The following TMEM19 variants were observed in gnomAD, a reference collection of about 807,000 sequenced individuals.
The protein encoded by TMEM19 is transmembrane protein 19.
Under a neutral mutation model 33.6 loss-of-function variants are expected in TMEM19, and 21 were observed. The ratio of observed to expected loss-of-function variants is 0.62; its 90% CI spans 0.44 to 0.90. The LOEUF (loss-of-function observed/expected upper bound fraction) is 0.90. Ranked by LOEUF, TMEM19 falls within the 40% of genes least tolerant of loss-of-function variation. The probability of loss-of-function intolerance (pLI) is 0.00; values close to 1 mark genes in which losing one functional copy is unlikely to be tolerated. For missense variants in TMEM19, 402 were observed against 401.8 expected (o/e 1.00, Z 0.00); for synonymous variants, 149 against 147.5 (o/e 1.01, Z -0.07).
chr12:71,691,074 C>A (rs900196956), intron 2 of TMEM19, among the ~76,000 whole-genome samples: 1 of 152,062 alleles, frequency 6.6e-6, no homozygotes, highest in African/African-American at 2.4e-5. Context: ...GAATTAAATG[C>A]GATAATTTAA....
At chr12:71,689,409 G>A (rs1358387198) in intron 1 of TMEM19, among the ~76,000 whole-genome samples, 182 bp from the exon 2 acceptor site, 1 of 152,162 alleles carries the variant, frequency 6.6e-6, no homozygotes, top group African/African-American at 2.4e-5. Flanking sequence ...ACCTAAGGAT[G>A]CATTTCTCAG....
intron 2 of TMEM19, 86 bp downstream of exon 2, chr12:71,689,790 TGA>T (rs1881754610): frequency 1.2e-5 from 10 of 865,968 alleles, no homozygotes; most frequent in Non-Finnish European, 1.8e-5. Context: ...TCTGAATATA[TGA>T]GACTGACTAC....
intron 2 of TMEM19, among the ~76,000 whole-genome samples, chr12:71,691,877 C>T (rs928504549): frequency 1.3e-5 from 2 of 152,192 alleles, no homozygotes; most frequent in African/African-American, 4.8e-5. Context: ...CTGACTTTTA[C>T]GATCTCTACT....
At position 71,703,599 on chromosome 12, in the gene TMEM19, A is replaced by G. The variant is rs1882022433; in HGVS notation, c.*2604A>G. ...GTCCTTTATTTGAAAACTTAGGTCT[A>G]GCTGTGTTTTGCATCAAAATTTTTG... On this transcript the variant is annotated 3_prime_UTR_variant, in exon 6 of 6. Coordinates refer to ENST00000266673, the MANE Select transcript of TMEM19 (RefSeq NM_018279.4). The G allele has an allele frequency of 6.4e-6, 1 of 156,796 alleles. No individual in the cohort carries two copies. Among genetic ancestry groups the G allele is most frequent in the African/African-American group, 2.4e-5 (1 of 41,484 alleles). 9.7% of individuals were successfully genotyped at this position (156,796 alleles called of 1,614,324 possible).
chr12:71,688,833 G>C (rs1881736180), intron 1 of TMEM19, among the ~76,000 whole-genome samples: 1 of 152,196 alleles, frequency 6.6e-6, no homozygotes, highest in South Asian at 2.1e-4. Flanking sequence ...ACATCTGTGA[G>C]CTGGATGCAG....
At position 71,686,436 on chromosome 12, in the gene TMEM19, C is replaced by A. The variant is rs932521146; in HGVS notation, c.-245C>A. 5.5e-6 allele frequency: 2 copies of A among 365,158 alleles called. No individual in the cohort carries two copies. The highest frequency in any genetic ancestry group is 9.8e-6 in the Non-Finnish European group (2 of 204,428). 22.6% of individuals were successfully genotyped at this position (365,158 alleles called of 1,614,324 possible). A position where few individuals can be genotyped will look rare whatever the true frequency, so the allele number is the denominator to read the frequency against. On this transcript the variant is annotated 5_prime_UTR_variant, in exon 1 of 6. Transcript: ENST00000266673. ...CCGGCAGCCGGCGACCGGCCCTCAC[C>A]GTCCGCCGGGTTGCGCTCTGCTTTT...
intron 2 of TMEM19, among the ~76,000 whole-genome samples, chr12:71,692,284 C>T (rs539960084): frequency 7.2e-5 from 11 of 152,308 alleles, no homozygotes; most frequent in African/African-American, 2.6e-4. Context: ...CAACCTCTCT[C>T]CTACCTCATT....
In TMEM19 at chr12:71,702,174, T is replaced by C. The variant is rs1201360074; in HGVS notation, c.*1179T>C. On this transcript the variant is annotated 3_prime_UTR_variant, in exon 6 of 6. Transcript: ENST00000266673. ...GAATTCTTTATTGGTGGCCCTACTA[T>C]GGTGATGATCTAGAACTGACTTACT... is the stretch of plus-strand genomic sequence containing the variant. The C allele has an allele frequency of 6.6e-6, 1 of 152,190 alleles. No individual in the cohort carries two copies. 9.4% of individuals were successfully genotyped at this position (152,190 alleles called of 1,614,324 possible).
rs1294252271 is a variant in TMEM19 at position 71,697,550 on chromosome 12, T to C, written c.637+16T>C. ...GTTCCAGTTGGTGAGTTTTTTCTTCTTTTTGACCCATTGGTAGACACAGTT... is the reference window on the plus strand; with the variant it reads ...GTTCCAGTTGGTGAGTTTTTTCTTCCTTTTGACCCATTGGTAGACACAGTT... On this transcript the variant is annotated intron_variant, in intron 4 of 5. Coordinates refer to ENST00000266673, the MANE Select transcript of TMEM19 (RefSeq NM_018279.4). 2 of 1,562,168 alleles carry C rather than the reference T, an allele frequency of 1.3e-6. No individual in the cohort carries two copies. The highest frequency in any genetic ancestry group is 2.4e-5 in the East Asian group (1 of 42,478).
chr12:71,695,384 G>A (rs192645167), intron 2 of TMEM19, among the ~76,000 whole-genome samples: 2 of 152,230 alleles, frequency 1.3e-5, no homozygotes, highest in Admixed American at 6.5e-5. Context: ...GTTTAGAGAC[G>A]GTGGAACAAA....
chr12:71,688,768 A>G (rs1262089526), intron 1 of TMEM19, among the ~76,000 whole-genome samples: 1 of 152,204 alleles, frequency 6.6e-6, no homozygotes, highest in Non-Finnish European at 1.5e-5. Context: ...TTTATATGAT[A>G]TCTCCTAATC....
chr12:71,693,398 TAAA>T (rs1202946552), intron 2 of TMEM19, among the ~76,000 whole-genome samples: 1 of 151,084 alleles, frequency 6.6e-6, no homozygotes, highest in Admixed American at 6.6e-5. Context: ...TCCTTAAGGA[TAAA>T]AAAAAATCTA....
At position 71,700,762 on chromosome 12, in the gene TMEM19, A is replaced by G. The variant is rs140815916; in HGVS notation, c.848-70A>G. ...ACTTAAAGTATAATAAAAAAAAAAA[A>G]AAAGAAAGAAAAGAAAAAAAATGAA... On this transcript the variant is annotated intron_variant, in intron 5 of 5. Coordinates refer to ENST00000266673, the MANE Select transcript of TMEM19 (RefSeq NM_018279.4). 4,820 of 1,423,138 alleles carry G rather than the reference A, an allele frequency of 3.4e-3. 115 individuals are homozygous for G. In the African/African-American group the frequency reaches 0.059, roughly 17 times the overall value. The allele number at this position is 1,423,138 out of a possible 1,614,324, so 88.2% of individuals were successfully genotyped here.
At chr12:71,697,237 A>T (rs1223051119) in intron 3 of TMEM19, 43 bp from the exon 4 acceptor site, 2 of 1,553,150 alleles carry the variant, frequency 1.3e-6, no homozygotes, top group Non-Finnish European at 1.7e-6. Flanking sequence ...TTTTCTTCTA[A>T]GGAGGAATCA....
chr12:71,695,339 G>A (rs1191863825), intron 2 of TMEM19, among the ~76,000 whole-genome samples: 1 of 152,192 alleles, frequency 6.6e-6, no homozygotes, highest in Non-Finnish European at 1.5e-5. Context: ...TAACATCTCA[G>A]TGTAGGTTGT....
chr12:71,697,487 G>C lies in TMEM19; in HGVS notation c.590G>C (p.Ser197Thr). ...GCTTCAGAAGTTGGCCCAGTTCTGA[G>C]TAAAAGTTCTCCAAGACTGATAACA... ...TWASEVGPVL[S>T]KSSPRLITTW... Residue 197 changes from serine to threonine, a missense_variant, in exon 4 of 6, where the codon AGT becomes ACT. Coordinates refer to ENST00000266673, the MANE Select transcript of TMEM19 (RefSeq NM_018279.4). 1 of 1,594,214 alleles carries C rather than the reference G, an allele frequency of 6.3e-7. No homozygotes were observed. The highest frequency in any genetic ancestry group is 1.2e-5 in the South Asian group (1 of 86,526).
rs555648952 is a variant in TMEM19 at position 71,689,568 on chromosome 12, G to A, written c.131-23G>A. 20 of 1,591,694 alleles carry A rather than the reference G, an allele frequency of 1.3e-5. No individual in the cohort carries two copies. In the South Asian group the frequency reaches 2.2e-4, roughly 18 times the overall value. On this transcript the variant is annotated intron_variant, in intron 1 of 5. Coordinates refer to ENST00000266673, the MANE Select transcript of TMEM19 (RefSeq NM_018279.4). ...CCTGTGCAAACTTCACACAATTTGT[G>A]CTCCACCTTTATAATTTTTCAGGTA...
intron 2 of TMEM19, among the ~76,000 whole-genome samples, chr12:71,695,489 T>C (rs1319696954): frequency 6.6e-6 from 1 of 152,200 alleles, no homozygotes; most frequent in African/African-American, 2.4e-5. Context: ...CCTTCAGTAG[T>C]TGCATACAAC....
intron 5 of TMEM19, chr12:71,699,358 G>A: frequency 1.7e-6 from 1 of 577,090 alleles, no homozygotes; most frequent in East Asian, 2.8e-5. Flanking sequence ...GCAGAGAACA[G>A]ACGTTTTTGT....
Sources: gnomAD v4.1 joint callset for allele counts (sites outside exome capture counted in the v4.1 genomes callset) on GRCh38, gnomAD v4.1.1 for gene constraint, MANE v1.5 for transcripts, NCBI Gene and HGNC (gene_info 2026-07-23, HGNC 2026-07-21) for gene names.